The following CFAP20DC variants were observed in gnomAD, a reference collection of about 807,000 sequenced individuals.
CFAP20DC encodes the protein protein CFAP20DC.
Under a neutral mutation model 101.7 loss-of-function variants are expected in CFAP20DC, and 84 were observed. The observed-to-expected ratio is 0.83, with a 90% CI of 0.69 to 0.99. The LOEUF (loss-of-function observed/expected upper bound fraction) is 0.99, where lower values mean the gene tolerates loss of function less well. Ranked by LOEUF, CFAP20DC falls within the 50% of genes least tolerant of loss-of-function variation. The pLI is 0.00. For missense variants in CFAP20DC, 1,007 were observed against 970.3 expected, an observed-to-expected ratio of 1.04 and a Z score of -0.50; for synonymous variants, 359 against 351.2, an observed-to-expected ratio of 1.02 and a Z score of -0.25.
At chr3:58,719,108 G>T (rs113974799) in intron 3 of CFAP20DC, among the ~76,000 whole-genome samples, 37 of 152,236 alleles carry the variant, frequency 2.4e-4, no homozygotes, top group African/African-American at 8.4e-4. Flanking sequence ...GCCAGGTATG[G>T]TGGCACACGC....
intron 4 of CFAP20DC, among the ~76,000 whole-genome samples, chr3:58,986,666 C>T (rs1343918995): frequency 1.3e-5 from 2 of 152,142 alleles, no homozygotes; most frequent in Non-Finnish European, 2.9e-5. Flanking sequence ...TTAAACTACC[C>T]TTGTGAGGGA....
chr3:58,814,262 G>C (rs1158981873), intron 14 of CFAP20DC, among the ~76,000 whole-genome samples: 8 of 151,850 alleles, frequency 5.3e-5, no homozygotes, highest in African/African-American at 1.9e-4. Flanking sequence ...TTGGAAAATA[G>C]AAGTGGTTAC....
intron 4 of CFAP20DC, among the ~76,000 whole-genome samples, chr3:58,966,054 G>A (rs966691412): frequency 1.1e-4 from 17 of 152,306 alleles, no homozygotes; most frequent in Non-Finnish European, 2.1e-4. Context: ...CAAGAAAAAC[G>A]GCTGAGTATC....
At position 58,866,653 on chromosome 3, in the gene CFAP20DC, C is replaced by G. The variant is rs139004031; in HGVS notation, c.1171G>C (p.Ala391Pro). ...SSGNNRIEDK[A>P]STILTTVSQQ... ...GACACAGTGGTGAGGATAGTTGATG[C>G]TTTATCTTCAATCCTATTATTTCCT... The change falls in exon 11 of 17, where the codon GCA (alanine) becomes CCA (proline). Residue 391 changes from alanine (A) to proline (P), a missense_variant. Coordinates refer to ENST00000482387, the MANE Select transcript of CFAP20DC (RefSeq NM_001394063.1). The G allele has an allele frequency of 3.1e-6, 5 of 1,594,746 alleles. No homozygotes were observed. Among genetic ancestry groups the G allele is most frequent in the Middle Eastern group, 1.7e-4 (1 of 6,030 alleles).
At chr3:58,918,284 A>G (rs2084956135) in intron 5 of CFAP20DC, among the ~76,000 whole-genome samples, 1 of 152,060 alleles carries the variant, frequency 6.6e-6, no homozygotes, top group Admixed American at 6.6e-5. Flanking sequence ...TTGGAATTCT[A>G]TCATCTTTGA....
chr3:59,007,679 C>T lies in CFAP20DC; in HGVS notation c.278+31878G>A, dbSNP rs2093470013. Among the ~76,000 whole-genome samples the T allele has an allele frequency of 6.6e-6, 1 of 152,200 alleles. No individual in the cohort carries two copies. The highest frequency in any genetic ancestry group is 1.5e-5 in the Non-Finnish European group (1 of 68,034). ...ATGGCTGGGAGACCTGACGACAGAT[C>T]ACATCACAGGACTCTTTGCAGACAT... On this transcript the variant is annotated intron_variant, in intron 4 of 16. Coordinates refer to ENST00000482387, the MANE Select transcript of CFAP20DC (RefSeq NM_001394063.1). This position sits in a 1 kb window ranked among gnomAD's most constrained non-coding sequence, Gnocchi z 4.4.
intron 15 of CFAP20DC, among the ~76,000 whole-genome samples, chr3:58,782,900 A>T (rs1336972155): frequency 6.6e-6 from 1 of 152,070 alleles, no homozygotes; most frequent in East Asian, 1.9e-4. Context: ...TTTCACAAAA[A>T]GAAAAAAATC....
chr3:58,759,544 T>C (rs2069323261), intron 15 of CFAP20DC, among the ~76,000 whole-genome samples: 1 of 152,242 alleles, frequency 6.6e-6, no homozygotes, highest in Non-Finnish European at 1.5e-5. Context: ...TTTAATTAGA[T>C]CCCATTTGTC....
At chr3:59,028,079 A>G (rs2093924389) in intron 4 of CFAP20DC, among the ~76,000 whole-genome samples, 1 of 152,226 alleles carries the variant, frequency 6.6e-6, no homozygotes. Flanking sequence ...TCATCATTCT[A>G]TGTGTTAGTA....
intron 4 of CFAP20DC, among the ~76,000 whole-genome samples, chr3:59,005,609 AATG>A (rs1241692917): frequency 6.6e-6 from 1 of 152,204 alleles, no homozygotes; most frequent in Non-Finnish European, 1.5e-5. Context: ...GATAAACTAA[AATG>A]ATGTGAATAC....
At chr3:58,889,601 G>A (rs2081980951) in intron 6 of CFAP20DC, among the ~76,000 whole-genome samples, 1 of 145,472 alleles carries the variant, frequency 6.9e-6, no homozygotes, top group Admixed American at 6.9e-5. Context: ...TTCTCACAGA[G>A]GGGGATTTGG....
chr3:58,852,679 C>A (rs1484519054), intron 12 of CFAP20DC, among the ~76,000 whole-genome samples: 2 of 148,654 alleles, frequency 1.3e-5, no homozygotes, highest in African/African-American at 2.5e-5. Context: ...GATTAAGAAT[C>A]TCACTCAAAA....
chr3:58,803,808 CTTTTT>C (rs1371410272), intron 15 of CFAP20DC, among the ~76,000 whole-genome samples: 1 of 152,036 alleles, frequency 6.6e-6, no homozygotes, highest in African/African-American at 2.4e-5. Context: ...AGAATTTGTT[CTTTTT>C]ATTTCATTAT....
In CFAP20DC at chr3:58,947,191, T is replaced by G. The variant is rs538389141; in HGVS notation, c.279-9429A>C. ...TGGGAAGGAAAGAGAGCAGCAGGCC[T>G]GCAACCATTTACTTTACTTTACTAA... On this transcript the variant is annotated intron_variant, in intron 4 of 16. Coordinates refer to ENST00000482387, the MANE Select transcript of CFAP20DC (RefSeq NM_001394063.1). 7.9e-5 allele frequency among the ~76,000 whole-genome samples: 12 copies of G among 152,312 alleles called. 1 individual carries two copies. In the South Asian group the frequency reaches 2.5e-3, roughly 32 times the overall value.
intron 4 of CFAP20DC, among the ~76,000 whole-genome samples, chr3:58,953,128 G>A (rs2090301289): frequency 6.6e-6 from 1 of 152,116 alleles, no homozygotes. Flanking sequence ...TCTCACATAA[G>A]GCAACGTTTA....
chr3:58,775,325 C>A (rs2071225108), intron 15 of CFAP20DC, among the ~76,000 whole-genome samples: 1 of 152,116 alleles, frequency 6.6e-6, no homozygotes, highest in Non-Finnish European at 1.5e-5. Flanking sequence ...TTTCAGTGAG[C>A]AGAGGGATCA....
At chr3:58,862,487 C>T in intron 12 of CFAP20DC, 1 of 985,394 alleles carries the variant, frequency 1.0e-6, no homozygotes, top group Non-Finnish European at 1.2e-6. Flanking sequence ...TGTTTCATGA[C>T]ACTCAGAAGC....
chr3:59,032,156 C>T (rs540191469), intron 4 of CFAP20DC, among the ~76,000 whole-genome samples: 4 of 152,284 alleles, frequency 2.6e-5, no homozygotes, highest in South Asian at 4.1e-4. Context: ...GGGAGCAATG[C>T]ATTCCAGCCC....
intron 15 of CFAP20DC, among the ~76,000 whole-genome samples, chr3:58,776,096 A>T (rs1380313345): frequency 1.3e-5 from 2 of 152,022 alleles, no homozygotes; most frequent in African/African-American, 4.8e-5. Flanking sequence ...AACTCATTTC[A>T]TGTGGTTTGA....
Sources: allele counts gnomAD v4.1 joint callset (sites outside exome capture counted in the v4.1 genomes callset), GRCh38; gene constraint gnomAD v4.1.1; non-coding constraint Gnocchi (gnomAD v3.1); transcripts MANE v1.5; gene names NCBI Gene and HGNC (gene_info 2026-07-23, HGNC 2026-07-21).